FAM13A: variants seen among roughly 807,000 people sequenced by gnomAD.
FAM13A encodes the protein protein FAM13A.
In FAM13A, 76 loss-of-function variants were observed where a neutral mutation model predicts 129.6. The observed-to-expected ratio is 0.59, with a 90% CI of 0.49 to 0.71. The LOEUF is 0.71. Among genes scored for constraint, FAM13A ranks in the 30% least tolerant of loss-of-function variants. The probability of loss-of-function intolerance (pLI) is 0.00; values close to 1 mark genes in which losing one functional copy is unlikely to be tolerated. For missense variants in FAM13A, 1,108 were observed against 1,249.3 expected, an observed-to-expected ratio of 0.89 and a Z score of 1.70; for synonymous variants, 443 against 449.9, an observed-to-expected ratio of 0.98 and a Z score of 0.20.
intron 3 of FAM13A, among the ~76,000 whole-genome samples, chr4:89,001,476 T>C (rs996983597): frequency 1.2e-4 from 18 of 152,178 alleles, no homozygotes; most frequent in African/African-American, 3.9e-4. Flanking sequence ...AGGTTAAATT[T>C]TGTAGTTTAA....
At chr4:88,996,297 C>T (rs1465853984) in intron 3 of FAM13A, among the ~76,000 whole-genome samples, 1 of 152,182 alleles carries the variant, frequency 6.6e-6, no homozygotes, top group Non-Finnish European at 1.5e-5. Flanking sequence ...ACCACTCCGG[C>T]TGCTCTGCTG....
At chr4:88,887,447 G>A (rs906814798) in intron 6 of FAM13A, among the ~76,000 whole-genome samples, 1 of 151,900 alleles carries the variant, frequency 6.6e-6, no homozygotes, top group Admixed American at 6.6e-5. Context: ...TGAAGCCAAA[G>A]AGCTTTCATT....
intron 5 of FAM13A, among the ~76,000 whole-genome samples, chr4:88,935,080 A>G (rs1308415545): frequency 2.0e-5 from 3 of 152,210 alleles, no homozygotes; most frequent in African/African-American, 7.2e-5. Flanking sequence ...GCCTTCAGAC[A>G]GAGGAAGTCT....
At position 88,750,382 on chromosome 4, in the gene FAM13A, G is replaced by A. The variant is rs182426688; in HGVS notation, c.1940+42C>T. The A allele has an allele frequency of 3.6e-5, 53 of 1,474,988 alleles. No individual in the cohort carries two copies. In the Admixed American group the frequency reaches 4.2e-4, roughly 12 times the overall value. The allele number at this position is 1,474,988 out of a possible 1,614,324, so 91.4% of individuals were successfully genotyped here. On this transcript the variant is annotated intron_variant, in intron 15 of 23. Transcript: ENST00000264344. ...TGCCATTCCTCTTTTCTGATGTTGTGGGGATGATGCATTTGTCTATCAGCA... is the reference window on the plus strand; with the variant it reads ...TGCCATTCCTCTTTTCTGATGTTGTAGGGATGATGCATTTGTCTATCAGCA...
intron 4 of FAM13A, among the ~76,000 whole-genome samples, chr4:88,939,479 C>T (rs1754388038): frequency 6.6e-6 from 1 of 152,176 alleles, no homozygotes; most frequent in Non-Finnish European, 1.5e-5. Flanking sequence ...AAGATCCCTA[C>T]CTTAATCACA....
intron 10 of FAM13A, among the ~76,000 whole-genome samples, chr4:88,783,265 T>C (rs1723303762): frequency 6.6e-6 from 1 of 152,102 alleles, no homozygotes; most frequent in Non-Finnish European, 1.5e-5. Context: ...TTTTGGGGTA[T>C]ATGTCCACTT....
At chr4:89,031,554 A>G (rs1470045238) in intron 1 of FAM13A, among the ~76,000 whole-genome samples, 2 of 152,208 alleles carry the variant, frequency 1.3e-5, no homozygotes, top group African/African-American at 4.8e-5. Context: ...TATGTAAAGG[A>G]GTAAGAACAG....
At chr4:88,953,222 A>T (rs549537638) in intron 4 of FAM13A, among the ~76,000 whole-genome samples, 1 of 151,900 alleles carries the variant, frequency 6.6e-6, no homozygotes. Context: ...TGGGAAACCG[A>T]GGCGGGCAGA....
chr4:88,787,110 T>C (rs749719596), intron 10 of FAM13A, among the ~76,000 whole-genome samples: 1 of 152,142 alleles, frequency 6.6e-6, no homozygotes, highest in Non-Finnish European at 1.5e-5. Context: ...TTAAATAATA[T>C]AAATGGTAAT....
intron 11 of FAM13A, 126 bp downstream of exon 11, chr4:88,781,039 T>G (rs188511710): frequency 1.8e-3 from 891 of 504,030 alleles, no homozygotes; most frequent in Admixed American, 2.5e-3. Flanking sequence ...ATACACTTAG[T>G]AGCTCTAAGG....
At chr4:88,778,115 T>C (rs1375595600) in intron 11 of FAM13A, among the ~76,000 whole-genome samples, 1 of 152,210 alleles carries the variant, frequency 6.6e-6, no homozygotes, top group African/African-American at 2.4e-5. Context: ...TTAAATGTCA[T>C]TTACAATGCT....
At chr4:89,053,999 T>C (rs933940479) in intron 1 of FAM13A, among the ~76,000 whole-genome samples, 5 of 152,066 alleles carry the variant, frequency 3.3e-5, no homozygotes, top group Non-Finnish European at 4.4e-5. Context: ...AACTGGCAAC[T>C]GTAATTCCCT....
At chr4:88,848,649 G>A (rs1737074328) in intron 7 of FAM13A, among the ~76,000 whole-genome samples, 1 of 152,156 alleles carries the variant, frequency 6.6e-6, no homozygotes, top group African/African-American at 2.4e-5. Context: ...TGGTCTACCA[G>A]CACCTCTTAC....
intron 4 of FAM13A, among the ~76,000 whole-genome samples, chr4:88,944,460 C>A (rs1755317923): frequency 1.3e-5 from 2 of 152,214 alleles, no homozygotes; most frequent in Admixed American, 6.5e-5. Context: ...TGTGGATAGA[C>A]TGCCTAGCTT....
chr4:88,943,569 T>C (rs904078720), intron 4 of FAM13A, among the ~76,000 whole-genome samples: 12 of 152,232 alleles, frequency 7.9e-5, no homozygotes, highest in Non-Finnish European at 1.6e-4. Context: ...ATTGCTTTAT[T>C]CTGATGCCTT....
chr4:88,824,924 T>G (rs1578834638), intron 7 of FAM13A, among the ~76,000 whole-genome samples: 1 of 152,062 alleles, frequency 6.6e-6, no homozygotes, highest in South Asian at 2.1e-4. Flanking sequence ...GCCAGGCTGG[T>G]CTCGAACTCC....
intron 4 of FAM13A, among the ~76,000 whole-genome samples, chr4:88,964,865 T>A (rs1291425594): frequency 6.6e-6 from 1 of 152,054 alleles, no homozygotes; most frequent in Non-Finnish European, 1.5e-5. Context: ...TGACCTCAAG[T>A]GATTCGTCCG....
At chr4:88,899,597 A>G (rs1054724651) in intron 6 of FAM13A, among the ~76,000 whole-genome samples, 1 of 152,152 alleles carries the variant, frequency 6.6e-6, no homozygotes, top group Admixed American at 6.6e-5. Flanking sequence ...AAAGATTAGA[A>G]AAGTGACAGG....
chr4:88,954,618 T>A (rs1757453387), intron 4 of FAM13A, among the ~76,000 whole-genome samples: 1 of 152,184 alleles, frequency 6.6e-6, no homozygotes. Context: ...GAGTGCTGGC[T>A]CATGCCTGTA....
Sources: gnomAD v4.1 joint callset for allele counts (sites outside exome capture counted in the v4.1 genomes callset) on GRCh38, gnomAD v4.1.1 for gene constraint, MANE v1.5 for transcripts, NCBI Gene and HGNC (gene_info 2026-07-23, HGNC 2026-07-21) for gene names.